Variants in PRMT3 observed in about 807,000 individuals in gnomAD.
PRMT3 encodes the protein protein arginine methyltransferase 3, also known as protein arginine N-methyltransferase 3.
PRMT3 carries 62 observed loss-of-function variants against 71.9 expected under a neutral mutation model. The observed-to-expected ratio is 0.86, with a 90% CI of 0.70 to 1.07. The LOEUF is 1.07. Ranked by LOEUF, PRMT3 falls within the 50% of genes least tolerant of loss-of-function variation. The probability of loss-of-function intolerance (pLI) is 0.00; values close to 1 mark genes in which losing one functional copy is unlikely to be tolerated. For synonymous variants in PRMT3, 213 were observed against 220.4 expected (o/e 0.97, Z 0.30); for missense variants, 663 against 643.0 (o/e 1.03, Z -0.34).
intron 6 of PRMT3, among the ~76,000 whole-genome samples, chr11:20,396,978 C>T (rs1207692958): frequency 2.6e-5 from 4 of 152,160 alleles, no homozygotes; most frequent in African/African-American, 4.8e-5. Flanking sequence ...ATTGTAGTTC[C>T]TCTTCCCTGT....
chr11:20,451,391 A>G (rs1332595618), intron 10 of PRMT3, among the ~76,000 whole-genome samples: 1 of 152,072 alleles, frequency 6.6e-6, no homozygotes, highest in African/African-American at 2.4e-5. Flanking sequence ...AACTACTCAG[A>G]ACTTTTAGTG....
chr11:20,490,605 G>T (rs1851183924), intron 13 of PRMT3, among the ~76,000 whole-genome samples: 1 of 151,842 alleles, frequency 6.6e-6, no homozygotes, highest in Non-Finnish European at 1.5e-5. Flanking sequence ...TGAAAATTTG[G>T]GTTTAAAAGC....
At position 20,478,004 on chromosome 11, in the gene PRMT3, A is replaced by AT. The variant is rs1250904305; in HGVS notation, c.1347+13463dup. Among the ~76,000 whole-genome samples the AT allele has an allele frequency of 2.0e-5, 3 of 152,114 alleles. No homozygotes were observed. The East Asian group carries it at 5.8e-4, about 29-fold the overall frequency. The stretch of plus-strand genomic sequence containing the variant: ...CCAGCAAAGTTCTTGTGACTGTGGC[A>AT]TTTTTGCTACTTTACCCACTACATG... On this transcript the variant is annotated intron_variant, in intron 13 of 15. Coordinates refer to ENST00000331079, the MANE Select transcript of PRMT3 (RefSeq NM_005788.4).
chr11:20,392,792 G>A (rs1218511603), intron 4 of PRMT3, 105 bp from the exon 5 acceptor site: 16 of 739,758 alleles, frequency 2.2e-5, no homozygotes, highest in Middle Eastern at 3.9e-4. Context: ...CTGACTTTGT[G>A]TAATGCAAAC....
intron 9 of PRMT3, among the ~76,000 whole-genome samples, chr11:20,424,632 T>C (rs533339293): frequency 6.6e-6 from 1 of 152,298 alleles, no homozygotes; most frequent in East Asian, 1.9e-4. Context: ...TCCTTAGATA[T>C]GTCACCAAAA....
At chr11:20,388,205 G>T in intron 2 of PRMT3, 51 bp downstream of exon 2, 1 of 1,608,500 alleles carries the variant, frequency 6.2e-7, no homozygotes, top group Non-Finnish European at 8.5e-7. Context: ...CGGGCGCGTG[G>T]GGTCTGTGTG....
chr11:20,441,516 C>T (rs1849900760), intron 10 of PRMT3, among the ~76,000 whole-genome samples: 1 of 151,618 alleles, frequency 6.6e-6, no homozygotes, highest in African/African-American at 2.4e-5. Context: ...ACCATGTTAG[C>T]CAGGATGGTC....
In PRMT3 at chr11:20,404,224, T is replaced by TTTG. The variant is rs1565196818; in HGVS notation, c.771+1242_771+1243insGTT. On this transcript the variant is annotated intron_variant, in intron 8 of 15. Transcript: ENST00000331079. The stretch of plus-strand genomic sequence containing the variant: ...AGACTTTTCATAGTTTTTTTTTTTT[T>TTTG]TTTTTTTTTTTTTTTTTTTTTTTTT... Among the ~76,000 whole-genome samples the TTTG allele has an allele frequency of 9.2e-4, 88 of 95,182 alleles. 1 individual carries two copies. The highest frequency in any genetic ancestry group is 3.8e-3 in the African/African-American group (86 of 22,702). 62.4% of individuals were successfully genotyped at this position (95,182 alleles called of 152,430 possible).
intron 13 of PRMT3, among the ~76,000 whole-genome samples, chr11:20,465,633 T>C (rs950196471): frequency 1.3e-5 from 2 of 151,976 alleles, no homozygotes; most frequent in African/African-American, 2.4e-5. Flanking sequence ...AATCTTCTTT[T>C]AGTTGAAGTT....
At chr11:20,396,319 C>A (rs535291950) in intron 6 of PRMT3, among the ~76,000 whole-genome samples, 26 of 151,988 alleles carry the variant, frequency 1.7e-4, no homozygotes, top group Non-Finnish European at 3.7e-4. Flanking sequence ...GGGGAAAATA[C>A]AGGGTTGAAG....
intron 9 of PRMT3, among the ~76,000 whole-genome samples, chr11:20,423,972 TAGG>T (rs1849484326): frequency 6.7e-6 from 1 of 149,238 alleles, no homozygotes; most frequent in Non-Finnish European, 1.5e-5. Context: ...ATCACGAGGT[TAGG>T]AGATCGAGAC....
chr11:20,424,178 C>T (rs1314906602), intron 9 of PRMT3, among the ~76,000 whole-genome samples: 4 of 71,876 alleles, frequency 5.6e-5, no homozygotes, highest in Non-Finnish European at 9.2e-5. Flanking sequence ...AGCAAGACGC[C>T]ATCTCAAAAA....
intron 10 of PRMT3, among the ~76,000 whole-genome samples, chr11:20,446,219 A>G (rs1161957694): frequency 6.6e-6 from 1 of 152,084 alleles, no homozygotes; most frequent in African/African-American, 2.4e-5. Flanking sequence ...AACCCTGGGT[A>G]TTGTGTGACT....
At chr11:20,443,905 A>G (rs1361923781) in intron 10 of PRMT3, among the ~76,000 whole-genome samples, 3 of 152,238 alleles carry the variant, frequency 2.0e-5, no homozygotes, top group Non-Finnish European at 4.4e-5. Context: ...CCAGAAGTCC[A>G]CAATACTAAA....
At chr11:20,505,524 C>T (rs1488382354) in intron 15 of PRMT3, among the ~76,000 whole-genome samples, 1 of 152,134 alleles carries the variant, frequency 6.6e-6, no homozygotes, top group Non-Finnish European at 1.5e-5. Context: ...GTAAGTTAAA[C>T]CCAATAACCA....
intron 13 of PRMT3, among the ~76,000 whole-genome samples, chr11:20,480,976 C>T (rs1850917897): frequency 6.6e-6 from 1 of 152,084 alleles, no homozygotes; most frequent in East Asian, 1.9e-4. Flanking sequence ...GTTCTGTGGC[C>T]TGTCTTGTCA....
intron 13 of PRMT3, among the ~76,000 whole-genome samples, chr11:20,485,151 A>G (rs1851040982): frequency 6.6e-6 from 1 of 152,190 alleles, no homozygotes; most frequent in Non-Finnish European, 1.5e-5. Context: ...CACAGCTTCA[A>G]GTCATCTGGG....
At chr11:20,433,853 C>A (rs1849707563) in intron 10 of PRMT3, among the ~76,000 whole-genome samples, 1 of 152,262 alleles carries the variant, frequency 6.6e-6, no homozygotes, top group South Asian at 2.1e-4. Context: ...CTGCTGACTT[C>A]AAGTGATCTG....
rs78812644 is a variant in PRMT3, at chr11:20,409,300, A to T, written c.893+1268A>T. Among the ~76,000 whole-genome samples the T allele has an allele frequency of 9.1e-3, 1,379 of 152,302 alleles. 24 individuals carry two copies. The highest frequency in any genetic ancestry group is 0.032 in the African/African-American group (1,334 of 41,554). On this transcript the variant is annotated intron_variant, in intron 9 of 15. Coordinates refer to ENST00000331079, the MANE Select transcript of PRMT3 (RefSeq NM_005788.4). ...TTAACCAGTACTTGGAACTTCGGTT[A>T]AAGTACATCTAACGTGTTAGAAATC...
Sources: allele counts gnomAD v4.1 joint callset (sites outside exome capture counted in the v4.1 genomes callset), GRCh38; gene constraint gnomAD v4.1.1; transcripts MANE v1.5; gene names NCBI Gene and HGNC (gene_info 2026-07-23, HGNC 2026-07-21).